Variants in CCNH observed in about 807,000 individuals in gnomAD.
CCNH encodes the protein cyclin H.
Under a neutral mutation model 41.9 loss-of-function variants are expected in CCNH, and 31 were observed. That is an observed-to-expected ratio of 0.74 (90% confidence interval 0.56 to 1.00). The LOEUF is 1.00. Ranked by LOEUF, CCNH falls within the 50% of genes least tolerant of loss-of-function variation. The pLI is 0.00. For missense variants in CCNH, 362 were observed against 388.4 expected (o/e 0.93, Z 0.57); for synonymous variants, 138 against 136.1 (o/e 1.01, Z -0.10).
At chr5:87,387,438 T>C (rs1762140253), downstream of CCNH, among the ~76,000 whole-genome samples, 1 of 152,186 alleles carries the variant, frequency 6.6e-6, no homozygotes, top group African/African-American at 2.4e-5. Context: ...TGAGGGTATT[T>C]TATAATTTCT....
chr5:87,401,797 C>G (rs1173623354), intron 5 of CCNH, 25 bp from the exon 6 acceptor site: 1 of 1,361,002 alleles, frequency 7.3e-7, no homozygotes, highest in South Asian at 1.3e-5. Context: ...AAAAAAAAAT[C>G]TATTGAAAAC....
At chr5:87,401,673 C>T (rs754217054) in intron 6 of CCNH, 29 bp downstream of exon 6, 41 of 1,369,920 alleles carry the variant, frequency 3.0e-5, no homozygotes, top group Non-Finnish European at 2.9e-5. Flanking sequence ...TTGGAAGAAA[C>T]ATTTTGTAAA....
chr5:87,337,448 A>G (rs1045178641), intron 9 of CCNH, among the ~76,000 whole-genome samples: 3 of 152,108 alleles, frequency 2.0e-5, no homozygotes, highest in African/African-American at 7.2e-5. Context: ...TGGTTTTTTT[A>G]TAAGAAAAAT....
chr5:87,374,757 G>A, downstream of CCNH: 1 of 1,560,012 alleles, frequency 6.4e-7, no homozygotes, highest in South Asian at 1.2e-5. Flanking sequence ...GAAATAGGGG[G>A]TTTATTTGAT....
chr5:87,404,870 G>A lies in CCNH; in HGVS notation c.663C>T (p.Ala221=), dbSNP rs758748143. ...TTTCCATAGTAATTCCAGCCCTGGA[G>A]GCACTAGATAAAATGGCAGTCAGGG... The part of the protein sequence containing the change: ...QIALTAILSS[A]SRAGITMESY... The change falls in exon 5 of 9, where the codon GCC becomes GCT. Residue 221 remains alanine, a synonymous_variant. Transcript: ENST00000256897. 13 of 1,613,178 alleles carry A rather than the reference G, an allele frequency of 8.1e-6. No homozygotes were observed. In the Admixed American group the frequency reaches 2.0e-4, roughly 25 times the overall value.
At chr5:87,364,069 T>C (rs1561311973) in intron 9 of CCNH, among the ~76,000 whole-genome samples, 1 of 152,114 alleles carries the variant, frequency 6.6e-6, no homozygotes. Context: ...TCAAGAACAA[T>C]GGCCTTTACC....
At chr5:87,316,325 T>C (rs1320320679), downstream of CCNH, among the ~76,000 whole-genome samples, 1 of 152,158 alleles carries the variant, frequency 6.6e-6, no homozygotes, top group Non-Finnish European at 1.5e-5. Flanking sequence ...GAATGCATTT[T>C]AAAAAATGGG....
intron 9 of CCNH, chr5:87,341,354 A>AG: frequency 1.5e-6 from 2 of 1,299,084 alleles, no homozygotes; most frequent in South Asian, 2.3e-5. Flanking sequence ...AATGAAAAAA[A>AG]AAATCTATAT....
rs1264491831 is a variant in CCNH, at chr5:87,341,301, A to G, written c.*91-22404T>C. 9 of 1,355,420 alleles carry G rather than the reference A, an allele frequency of 6.6e-6. No individual in the cohort carries two copies. The highest frequency in any genetic ancestry group is 7.7e-6 in the Non-Finnish European group (8 of 1,045,666). The allele number at this position is 1,355,420 out of a possible 1,614,324, so 84.0% of individuals were successfully genotyped here. A position where few individuals can be genotyped will look rare whatever the true frequency, so the allele number is the denominator to read the frequency against. ...TGTCTTCCCTTTAGGGCCGGGAAGA[A>G]GATCCACATGAAGGAAAAATGTGAG... On this transcript the variant is annotated intron_variant and NMD_transcript_variant, in intron 9 of 9. Coordinates refer to the CCNH transcript ENST00000645953.
At chr5:87,372,277 T>C (rs954634833), downstream of CCNH, 1 of 1,299,390 alleles carries the variant, frequency 7.7e-7, no homozygotes, top group South Asian at 1.2e-5. Flanking sequence ...TTATCTGAAC[T>C]GTTTTGGACA....
intron 9 of CCNH, chr5:87,349,456 TTTC>T (rs1226428547): frequency 7.0e-7 from 1 of 1,420,248 alleles, no homozygotes; most frequent in East Asian, 2.4e-5. Flanking sequence ...TATATAAAAG[TTTC>T]TAACTTCTAA....
At position 87,331,649 on chromosome 5, in the gene CCNH, TAGAG is replaced by T. The variant is rs1020185766; in HGVS notation, c.*91-12756_*91-12753del. The T allele has an allele frequency of 2.9e-5, 27 of 944,904 alleles. No individual in the cohort carries two copies. In the Middle Eastern group the frequency reaches 9.9e-4, roughly 35 times the overall value. The allele number at this position is 944,904 out of a possible 1,614,324, so 58.5% of individuals were successfully genotyped here. On this transcript the variant is annotated intron_variant and NMD_transcript_variant, in intron 9 of 9. Coordinates refer to the CCNH transcript ENST00000645953. Reference sequence around the variant, plus strand: ...CAGTCAAATGATTTAATCAGTGATTTAGAGAGATTCTTTTGAATGTTTACATTTT... The same window carrying T: ...CAGTCAAATGATTTAATCAGTGATTTAGATTCTTTTGAATGTTTACATTTT...
chr5:87,412,603 G>A (rs943903532), intron 1 of CCNH, 75 bp downstream of exon 1: 17 of 1,573,334 alleles, frequency 1.1e-5, no homozygotes, highest in Non-Finnish European at 1.5e-5. Flanking sequence ...AGATTGTCCT[G>A]GGAGCCAGAA....
intron 9 of CCNH, chr5:87,330,971 G>A: frequency 1.4e-6 from 2 of 1,441,276 alleles, no homozygotes; most frequent in Non-Finnish European, 1.8e-6. Flanking sequence ...TGGTTCCTCA[G>A]TATAAGATCG....
chr5:87,365,406 A>G (rs556380732), intron 9 of CCNH, among the ~76,000 whole-genome samples: 69 of 152,230 alleles, frequency 4.5e-4, no homozygotes, highest in Middle Eastern at 3.4e-3. Context: ...TTCTTGTTCA[A>G]TCATCCAGGT....
downstream of CCNH, among the ~76,000 whole-genome samples, chr5:87,314,969 A>T (rs1756210788): frequency 6.6e-6 from 1 of 152,230 alleles, no homozygotes; most frequent in African/African-American, 2.4e-5. Context: ...ATCCTAAATA[A>T]AACATTTTTG....
Position 87,401,699 on chromosome 5 carries a change from TA to T in CCNH, c.760+2del, listed in dbSNP as rs1465294005. The T allele has an allele frequency of 3.2e-6, 5 of 1,562,864 alleles. No individual in the cohort carries two copies. Among genetic ancestry groups the T allele is most frequent in the Non-Finnish European group, 4.4e-6 (5 of 1,148,018 alleles). On this transcript the variant is annotated splice_donor_variant, in intron 6 of 8. Coordinates refer to ENST00000256897, the MANE Select transcript of CCNH (RefSeq NM_001239.4). LOFTEE classifies it high-confidence loss of function. ...ATTTTGTAAAGTGTTCTCTTTTACT[TA>T]CTTTTCATTATATCTAGTAACTGTG... is the stretch of plus-strand genomic sequence containing the variant.
At chr5:87,395,833 C>T (rs1279800386) in intron 7 of CCNH, among the ~76,000 whole-genome samples, 2 of 152,136 alleles carry the variant, frequency 1.3e-5, no homozygotes, top group East Asian at 3.9e-4. Context: ...CAAGCCACTG[C>T]ACTCCATCAC....
At chr5:87,335,419 G>GTTT (rs34986349) in intron 9 of CCNH, among the ~76,000 whole-genome samples, 1,103 of 72,918 alleles carry the variant, frequency 0.015, 3 homozygotes, top group African/African-American at 0.019. Context: ...AAAGAATGAG[G>GTTT]TTTTTTTTTT....
Sources: allele counts gnomAD v4.1 joint callset (sites outside exome capture counted in the v4.1 genomes callset), GRCh38; gene constraint gnomAD v4.1.1; transcripts MANE v1.5; gene names NCBI Gene and HGNC (gene_info 2026-07-23, HGNC 2026-07-21).